The following NME7 variants were observed in gnomAD, a reference collection of about 807,000 sequenced individuals.
NME7 encodes nucleoside diphosphate kinase 7.
A neutral mutation model predicts 49.1 loss-of-function variants in NME7; 41 were observed. That is an observed-to-expected ratio of 0.83 (90% confidence interval 0.65 to 1.08). The LOEUF (loss-of-function observed/expected upper bound fraction) is 1.08, where lower values mean the gene tolerates loss of function less well. Ranked by LOEUF, NME7 falls within the 50% of genes least tolerant of loss-of-function variation. NME7 has a pLI of 0.00. For synonymous variants in NME7, 139 were observed against 150.6 expected (o/e 0.92, Z 0.56); for missense variants, 423 against 463.4 (o/e 0.91, Z 0.80).
Position 169,324,480 on chromosome 1 carries a change from A to G in NME7, c.24T>C (p.Val8=). The G allele has an allele frequency of 6.2e-7, 1 of 1,610,884 alleles. No individual in the cohort carries two copies. Among genetic ancestry groups the G allele is most frequent in the Middle Eastern group, 1.7e-4 (1 of 6,046 alleles). The part of the protein sequence containing the change: MNHSERF[V]FIAEWYDPNA... ...TTGGATCATACCACTCTGCAATGAA[A>G]ACGAATCTTTCACTATGATTCTGCA... is the stretch of plus-strand genomic sequence containing the variant. The change falls in exon 2 of 12, where the codon GTT becomes GTC. Residue 8 remains valine, a synonymous_variant. Transcript: ENST00000367811.
chr1:169,217,863 G>GC (rs1156516417), intron 10 of NME7, among the ~76,000 whole-genome samples: 1 of 152,116 alleles, frequency 6.6e-6, no homozygotes, highest in East Asian at 1.9e-4. Context: ...AGCACTATAA[G>GC]CTGCACTATG....
intron 7 of NME7, among the ~76,000 whole-genome samples, chr1:169,281,684 G>A (rs1472144121): frequency 6.6e-6 from 1 of 152,140 alleles, no homozygotes; most frequent in Non-Finnish European, 1.5e-5. Context: ...TTTTATTGAA[G>A]GCCTTTTCTG....
At chr1:169,293,444 T>C (rs752898024) in intron 6 of NME7, among the ~76,000 whole-genome samples, 7 of 152,202 alleles carry the variant, frequency 4.6e-5, no homozygotes, top group Non-Finnish European at 8.8e-5. Flanking sequence ...ACACAATTTA[T>C]TGACTAATCA....
chr1:169,363,411 C>G (rs957239678), intron 1 of NME7, among the ~76,000 whole-genome samples: 5 of 152,048 alleles, frequency 3.3e-5, no homozygotes, highest in Non-Finnish European at 1.5e-5. Flanking sequence ...AGTTCATGAA[C>G]GTTACCCTTA....
intron 7 of NME7, among the ~76,000 whole-genome samples, chr1:169,279,382 C>T (rs1426673761): frequency 6.6e-6 from 1 of 152,218 alleles, no homozygotes; most frequent in Non-Finnish European, 1.5e-5. Context: ...CTAAGCAAGC[C>T]TGGGCAATGG....
chr1:169,358,641 A>T (rs1653544252), intron 1 of NME7, among the ~76,000 whole-genome samples: 2 of 152,158 alleles, frequency 1.3e-5, no homozygotes, highest in South Asian at 4.1e-4. Context: ...GGTAAGTATT[A>T]ACAGTGCCTT....
At chr1:169,285,457 C>T (rs1367900560) in intron 7 of NME7, 1 of 152,130 alleles carries the variant, frequency 6.6e-6, no homozygotes, top group Non-Finnish European at 1.5e-5. Context: ...ATTACTATCA[C>T]TTCCTATGGA....
intron 11 of NME7, among the ~76,000 whole-genome samples, chr1:169,164,243 A>G (rs1433876937): frequency 6.6e-6 from 1 of 152,192 alleles, no homozygotes; most frequent in African/African-American, 2.4e-5. Context: ...AAAGTGTGAC[A>G]TACTTTTTCA....
chr1:169,207,412 C>T lies in NME7; in HGVS notation c.990+23306G>A, dbSNP rs149193028. On this transcript the variant is annotated intron_variant, in intron 10 of 11. Coordinates refer to ENST00000367811, the MANE Select transcript of NME7 (RefSeq NM_013330.5). ...AGTCAAGCAAACCAAACTAGAGCAC[C>T]CCTGAATTCTATTCCCAAAAGCCAT... Among the ~76,000 whole-genome samples, 739 of 152,034 alleles carry T rather than the reference C, an allele frequency of 4.9e-3. 8 individuals are homozygous for T. Among genetic ancestry groups the T allele is most frequent in the Middle Eastern group, 0.034 (10 of 294 alleles).
chr1:169,269,680 G>T (rs1299076592), intron 7 of NME7, among the ~76,000 whole-genome samples: 1 of 133,194 alleles, frequency 7.5e-6, no homozygotes, highest in African/African-American at 2.5e-5. Flanking sequence ...ATTTCTAAAA[G>T]TGAGGACATG....
At chr1:169,311,522 T>C (rs1184721797) in intron 3 of NME7, among the ~76,000 whole-genome samples, 1 of 152,120 alleles carries the variant, frequency 6.6e-6, no homozygotes, top group Non-Finnish European at 1.5e-5. Context: ...CATCTTAGTG[T>C]GTTTATTACA....
rs935171903 is a variant in NME7 at position 169,335,738 on chromosome 1, AATAT to A, written c.4-11242_4-11239del. Reference sequence around the variant, plus strand: ...TATATTAAATAAATAATATATATTTAATATATACTTTTATATATTAAATATATAT... The same window carrying A: ...TATATTAAATAAATAATATATATTTAATACTTTTATATATTAAATATATAT... On this transcript the variant is annotated intron_variant, in intron 1 of 11. Transcript: ENST00000367811. 4.8e-5 allele frequency among the ~76,000 whole-genome samples: 7 copies of A among 147,248 alleles called. No homozygotes were observed. The South Asian group carries it at 8.4e-4, about 18-fold the overall frequency.
chr1:169,199,763 T>A (rs76581968), intron 10 of NME7, among the ~76,000 whole-genome samples: 1 of 151,952 alleles, frequency 6.6e-6, no homozygotes, highest in Non-Finnish European at 1.5e-5. Flanking sequence ...GGAAAAGGTA[T>A]AATTCACCAA....
At chr1:169,333,640 T>C (rs999692611) in intron 1 of NME7, among the ~76,000 whole-genome samples, 3 of 151,802 alleles carry the variant, frequency 2.0e-5, no homozygotes, top group African/African-American at 4.8e-5. Context: ...CCCATAAACA[T>C]TTAATATTTT....
chr1:169,323,005 A>G (rs1651910980), intron 3 of NME7, 112 bp downstream of exon 3: 2 of 799,054 alleles, frequency 2.5e-6, no homozygotes, highest in Admixed American at 7.8e-5. Context: ...GAAGACAACC[A>G]TTTTCCAGGT....
intron 1 of NME7, among the ~76,000 whole-genome samples, chr1:169,360,182 C>T (rs1374642125): frequency 1.3e-5 from 2 of 152,030 alleles, no homozygotes; most frequent in South Asian, 2.1e-4. Context: ...TAGCTCTGCT[C>T]GCCACACCTT....
intron 10 of NME7, among the ~76,000 whole-genome samples, chr1:169,187,902 A>G (rs1324943169): frequency 6.6e-6 from 1 of 152,022 alleles, no homozygotes; most frequent in African/African-American, 2.4e-5. Context: ...TCCTTTCCAT[A>G]TTTAGTGCTT....
rs572853284 is a variant in NME7, at chr1:169,288,811, G to T, written c.649-1403C>A. Among the ~76,000 whole-genome samples the T allele has an allele frequency of 6.2e-3, 946 of 152,172 alleles. 10 individuals carry two copies. Among genetic ancestry groups the T allele is most frequent in the African/African-American group, 0.021 (891 of 41,514 alleles). ...TACCCCTTTTAGTCCTATACCAGAT[G>T]CTTTGATTGCATGGTCCGAGAGAAC... is the stretch of plus-strand genomic sequence containing the variant. On this transcript the variant is annotated intron_variant, in intron 6 of 11. Transcript: ENST00000367811.
chr1:169,249,929 A>T (rs1040490235), intron 7 of NME7, among the ~76,000 whole-genome samples: 1 of 151,838 alleles, frequency 6.6e-6, no homozygotes, highest in African/African-American at 2.4e-5. Context: ...ATTGGTCTGT[A>T]GTTTTCTTTT....
Sources: gnomAD v4.1 joint callset for allele counts (sites outside exome capture counted in the v4.1 genomes callset) on GRCh38, gnomAD v4.1.1 for gene constraint, MANE v1.5 for transcripts, NCBI Gene and HGNC (gene_info 2026-07-23, HGNC 2026-07-21) for gene names.